The following KRT8 variants were observed in gnomAD, a reference collection of about 807,000 sequenced individuals.
KRT8 encodes keratin 8, also known as keratin, type II cytoskeletal 8.
Under a neutral mutation model 43.0 loss-of-function variants are expected in KRT8, and 24 were observed. The ratio of observed to expected loss-of-function variants is 0.56; its 90% confidence interval spans 0.40 to 0.78. The LOEUF is 0.78. Ranked by LOEUF, KRT8 falls within the 30% of genes least tolerant of loss-of-function variation. The pLI is 0.00. For synonymous variants in KRT8, 214 were observed against 261.2 expected, an observed-to-expected ratio of 0.82 and a Z score of 1.74; for missense variants, 492 against 638.4, an observed-to-expected ratio of 0.77 and a Z score of 2.47.
chr12:52,920,887 A>G (rs1455894958), intron 2 of KRT8, among the ~76,000 whole-genome samples: 3 of 152,222 alleles, frequency 2.0e-5, no homozygotes, highest in Non-Finnish European at 1.5e-5. Flanking sequence ...ATGTGTGCAT[A>G]TATGTCTGTA....
chr12:52,912,773 T>C (rs1488643856), intron 2 of KRT8, among the ~76,000 whole-genome samples: 1 of 152,186 alleles, frequency 6.6e-6, no homozygotes, highest in Non-Finnish European at 1.5e-5. Flanking sequence ...AATTCGTGTG[T>C]GGCAGGCTGG....
chr12:52,898,657 G>A (rs369731276), intron 6 of KRT8, 22 bp downstream of exon 6: 55 of 1,613,974 alleles, frequency 3.4e-5, no homozygotes, highest in Non-Finnish European at 4.2e-5. Context: ...AAGCAGGTCC[G>A]GTCAGAGGTA....
In KRT8 at chr12:52,925,215, G is replaced by C. The variant is rs969506089; in HGVS notation, c.-46-20188C>G. ...AAAAGACTGAGTAAGACAAGGTCAG[G>C]ACCGGGAGGAATGCAGCTGGAGGAG... On this transcript the variant is annotated intron_variant, in intron 2 of 6. Transcript: ENST00000546826. Among the ~76,000 whole-genome samples, 2 of 152,292 alleles carry C rather than the reference G, an allele frequency of 1.3e-5. 1 individual carries two copies. Among genetic ancestry groups the C allele is most frequent in the South Asian group, 4.1e-4 (2 of 4,820 alleles).
At chr12:52,901,592 C>T in intron 2 of KRT8, 3 of 576,158 alleles carry the variant, frequency 5.2e-6, no homozygotes. Flanking sequence ...GCCTATCTCT[C>T]CCGTCTCAGG....
At chr12:52,905,900 T>C (rs1296180166), upstream of KRT8, among the ~76,000 whole-genome samples, 2 of 152,104 alleles carry the variant, frequency 1.3e-5, no homozygotes, top group African/African-American at 4.8e-5. Context: ...AAGACAAGCC[T>C]GACCAACATG....
At chr12:52,939,600 C>T (rs1456433326) in intron 2 of KRT8, among the ~76,000 whole-genome samples, 3 of 151,676 alleles carry the variant, frequency 2.0e-5, no homozygotes, top group South Asian at 2.1e-4. Context: ...CGTATACCCG[C>T]GATTCCAGCT....
At chr12:52,919,403 A>G (rs1941840810) in intron 2 of KRT8, among the ~76,000 whole-genome samples, 3 of 152,064 alleles carry the variant, frequency 2.0e-5, no homozygotes, top group Non-Finnish European at 4.4e-5. Context: ...AGTAGCTGGG[A>G]CTACAGGCAT....
exon 1 of KRT8, chr12:52,904,940 G>A (rs1425955460): frequency 6.2e-7 from 1 of 1,612,212 alleles, no homozygotes; most frequent in Non-Finnish European, 8.5e-7. Flanking sequence ...GGGGGCCAGA[G>A]GTGGACACCT....
intron 2 of KRT8, among the ~76,000 whole-genome samples, chr12:52,939,407 G>C (rs1942230726): frequency 6.6e-6 from 1 of 152,110 alleles, no homozygotes; most frequent in African/African-American, 2.4e-5. Flanking sequence ...GGGAGGCTGA[G>C]ACAGGAGAAT....
chr12:52,932,505 G>A (rs1942101030), intron 2 of KRT8, among the ~76,000 whole-genome samples: 2 of 152,018 alleles, frequency 1.3e-5, no homozygotes, highest in Non-Finnish European at 2.9e-5. Flanking sequence ...CTTCCCTGTA[G>A]GTATGTTCTC....
chr12:52,909,416 G>A (rs925136514), upstream of KRT8, among the ~76,000 whole-genome samples: 2 of 152,260 alleles, frequency 1.3e-5, no homozygotes, highest in African/African-American at 4.8e-5. Context: ...GGAAGCCACA[G>A]GTGGTGGGTA....
intron 2 of KRT8, chr12:52,948,829 C>T (rs1438240890): frequency 2.4e-6 from 1 of 412,762 alleles, no homozygotes; most frequent in Admixed American, 4.4e-5. Flanking sequence ...CCTCCTCCAC[C>T]TGGGGGAGAA....
upstream of KRT8, among the ~76,000 whole-genome samples, chr12:52,905,485 G>A (rs1164539578): frequency 5.9e-5 from 9 of 152,064 alleles, no homozygotes; most frequent in African/African-American, 1.4e-4. Context: ...CTGAGCTGCC[G>A]ACACCCCAGA....
intron 2 of KRT8, among the ~76,000 whole-genome samples, chr12:52,942,165 T>C (rs377448056): frequency 2.0e-5 from 3 of 152,158 alleles, no homozygotes; most frequent in Non-Finnish European, 2.9e-5. Flanking sequence ...TAAAGCTCCA[T>C]GTTGATGATT....
intron 1 of KRT8, 163 bp from the exon 2 acceptor site, chr12:52,902,235 G>T (rs940198957): frequency 1.1e-5 from 7 of 626,442 alleles, no homozygotes; most frequent in Non-Finnish European, 2.0e-5. Flanking sequence ...TGACCAGGGG[G>T]AGAAAGCATG....
Position 52,913,285 on chromosome 12 carries a change from C to T in KRT8, c.-46-8258G>A, listed in dbSNP as rs1474563772. Among the ~76,000 whole-genome samples, 5 of 152,308 alleles carry T rather than the reference C, an allele frequency of 3.3e-5. 1 individual carries two copies. The highest frequency in any genetic ancestry group is 2.6e-4 in the Admixed American group (4 of 15,302). ...CCAACCTTGGTGAAATCTGGCCATG[C>T]CCCAACACACCTGTCAGTTTCCTCC... On this transcript the variant is annotated intron_variant, in intron 2 of 6. Coordinates refer to the KRT8 transcript ENST00000546826.
At position 52,923,578 on chromosome 12, in the gene KRT8, C is replaced by T. The variant is rs566941818; in HGVS notation, c.-46-18551G>A. ...GGGACTACAGGCGCCAGCCACCACG[C>T]CTGGCTAATTTTTGTATTTTTAGTA... is the stretch of plus-strand genomic sequence containing the variant. On this transcript the variant is annotated intron_variant, in intron 2 of 6. Transcript: ENST00000546826. Among the ~76,000 whole-genome samples the T allele has an allele frequency of 1.4e-3, 215 of 152,122 alleles. 1 individual carries two copies. The highest frequency in any genetic ancestry group is 5.0e-3 in the African/African-American group (207 of 41,514).
intron 2 of KRT8, among the ~76,000 whole-genome samples, chr12:52,923,894 G>A (rs1941938079): frequency 6.6e-6 from 1 of 151,304 alleles, no homozygotes; most frequent in African/African-American, 2.4e-5. Flanking sequence ...GCCCAGGCTG[G>A]AGTGCAGTGG....
At chr12:52,905,868 C>G (rs548603587), upstream of KRT8, among the ~76,000 whole-genome samples, 3 of 151,962 alleles carry the variant, frequency 2.0e-5, no homozygotes, top group African/African-American at 7.2e-5. Flanking sequence ...CTGAGGTAGG[C>G]GGATCACGAG....
Sources: gnomAD v4.1 joint callset for allele counts (sites outside exome capture counted in the v4.1 genomes callset) on GRCh38, gnomAD v4.1.1 for gene constraint, MANE v1.5 for transcripts, NCBI Gene and HGNC (gene_info 2026-07-23, HGNC 2026-07-21) for gene names.